Variants in PTPRS observed in about 807,000 individuals in gnomAD.
PTPRS encodes the protein protein tyrosine phosphatase receptor type S.
A neutral mutation model predicts 215.3 loss-of-function variants in PTPRS; 63 were observed. The observed-to-expected ratio is 0.29, with a 90% CI of 0.24 to 0.36. PTPRS has a LOEUF of 0.36. Among genes scored for constraint, PTPRS ranks in the 10% least tolerant of loss-of-function variants. The pLI is 1.00. For synonymous variants in PTPRS, 1,404 were observed against 1,191.4 expected (o/e 1.18, Z -3.68); for missense variants, 2,258 against 2,825.8 (o/e 0.80, Z 4.56).
intron 25 of PTPRS, among the ~76,000 whole-genome samples, chr19:5,218,159 A>G (rs912135123): frequency 6.6e-6 from 1 of 151,892 alleles, no homozygotes; most frequent in Non-Finnish European, 1.5e-5. Flanking sequence ...CATCGTCTTT[A>G]GGCTCCTGAA....
In PTPRS at chr19:5,231,346, C is replaced by T; in HGVS notation, c.2119G>A (p.Glu707Lys). The T allele has an allele frequency of 6.2e-7, 1 of 1,611,826 alleles. No individual in the cohort carries two copies. Residue 707 changes from glutamate to lysine, a missense_variant, in exon 14 of 38, where the codon GAG becomes AAG. Glu to Lys is a moderately conservative substitution (Grantham distance 56, BLOSUM62 1). Around this residue, in one of 6 missense-constraint regions of PTPRS, gnomAD observed 371 missense variants for 446.7 expected, o/e 0.83. Transcript: ENST00000262963. ...VAHTEVGPGP[E>K]SSPVVVRTDE... ...GTGCGGACGACCACGGGCGAGCTCT[C>T]GGGCCCTGGTCCCACCTCTGTGTGA...
chr19:5,228,347 G>GAAAAAAAAAAAAAAAAAAAAA (rs71170899), intron 16 of PTPRS, among the ~76,000 whole-genome samples: 3 of 105,866 alleles, frequency 2.8e-5, no homozygotes, highest in African/African-American at 1.3e-4. Flanking sequence ...TCCGTCTGGA[G>GAAAAAAAAAAAAAAAAAAAAA]AAAAAAAAAA....
rs1157608522 is a variant in PTPRS, at chr19:5,210,744, G to A, written c.5296C>T (p.Arg1766Cys). The A allele has an allele frequency of 1.2e-5, 20 of 1,614,032 alleles. No homozygotes were observed. In the East Asian group the frequency reaches 1.6e-4, roughly 13 times the overall value. ...GTCGAATTGTTCTCCCACAGCATGC[G>A]CCAGAAGTCTTCCGTGGTCTCCGCC... Reference protein sequence around the residue: ...PLAETTEDFWRMLWENNSTIV... With the variant: ...PLAETTEDFWCMLWENNSTIV... Residue 1766 changes from arginine to cysteine, a missense_variant, in exon 34 of 38, where the codon CGC (arginine) becomes TGC (cysteine). Physicochemically the swap from Arg to Cys is radical, Grantham distance 180 (BLOSUM62 -3). This residue lies in a region of PTPRS where 927 missense variants were observed against 1,125.9 expected (regional missense o/e 0.82). Transcript: ENST00000262963. The surrounding 1 kb of genome is among the most constrained non-coding windows in gnomAD (Gnocchi z 4.5).
rs759905523 is a variant in PTPRS at position 5,273,326 on chromosome 19, C to T, written c.379+116G>A. On this transcript the variant is annotated intron_variant, in intron 4 of 37. Transcript: ENST00000262963. Reference sequence around the variant, plus strand: ...CTGGTTGGATAAGGGAGATCAAGGTCCTCCCAAAAAACACAAAGCAGGAGG... The same window carrying T: ...CTGGTTGGATAAGGGAGATCAAGGTTCTCCCAAAAAACACAAAGCAGGAGG... The T allele has an allele frequency of 1.1e-5, 16 of 1,444,714 alleles. No individual in the cohort carries two copies. The South Asian group carries it at 1.9e-4, about 17-fold the overall frequency. The allele number at this position is 1,444,714 out of a possible 1,614,324, so 89.5% of individuals were successfully genotyped here. A position where few individuals can be genotyped will look rare whatever the true frequency, so the allele number is the denominator to read the frequency against.
rs754436545 is a variant in PTPRS, at chr19:5,231,537, G to A, written c.1928C>T (p.Pro643Leu). The A allele has an allele frequency of 1.2e-5, 19 of 1,610,692 alleles. No individual in the cohort carries two copies. The highest frequency in any genetic ancestry group is 1.0e-4 in the Admixed American group (6 of 59,736). Reference sequence around the variant, plus strand: ...CAGGGCCCCGTTGTGCGTTTCCGGCGGCGGCGGGCGCCAACTTACCAAAAT... The same window carrying A: ...CAGGGCCCCGTTGTGCGTTTCCGGCAGCGGCGGGCGCCAACTTACCAAAAT... ...TAILVSWRPP[P>L]PETHNGALVG... The change falls in exon 14 of 38, where the codon CCG (proline) becomes CTG (leucine). Residue 643 changes from proline to leucine, a missense_variant. By Grantham distance (98) the Pro-to-Leu change is moderately conservative (BLOSUM62 -3). This residue lies in a region of PTPRS where 371 missense variants were observed against 446.7 expected (regional missense o/e 0.83). Transcript: ENST00000262963.
At chr19:5,307,834 G>C (rs542942105) in intron 1 of PTPRS, among the ~76,000 whole-genome samples, 34 of 152,264 alleles carry the variant, frequency 2.2e-4, no homozygotes, top group African/African-American at 7.2e-4. Flanking sequence ...GGCCAAATCC[G>C]GCCCACCGTT....
At chr19:5,208,165 G>C in intron 36 of PTPRS, 72 bp downstream of exon 36, 2 of 1,562,100 alleles carry the variant, frequency 1.3e-6, no homozygotes, top group Admixed American at 1.8e-5. Context: ...GACAGCCTAA[G>C]CTTGGGGCTG....
At position 5,244,187 on chromosome 19, in the gene PTPRS, G is replaced by A. The variant is rs369090426; in HGVS notation, c.1284C>T (p.Ser428=). 2.5e-6 allele frequency: 4 copies of A among 1,599,744 alleles called. No homozygotes were observed. The highest frequency in any genetic ancestry group is 1.7e-5 in the Admixed American group (1 of 59,224). ...TCCGGGCTTGCACGTTCCGCGGCGC[G>A]CTGGCCGGGGCCTGCTCGCCTGTGC... ...VTRTGEQAPA[S]APRNVQARML... is the part of the protein sequence containing the mutation. Residue 428 remains serine, a synonymous_variant, in exon 11 of 38, where the codon AGC becomes AGT. Transcript: ENST00000262963. The surrounding 1 kb of genome is among the most constrained non-coding windows in gnomAD (Gnocchi z 7.2).
At chr19:5,231,117 C>T (rs2042974517) in intron 14 of PTPRS, among the ~76,000 whole-genome samples, 193 bp downstream of exon 14, 1 of 152,198 alleles carries the variant, frequency 6.6e-6, no homozygotes, top group Non-Finnish European at 1.5e-5. Flanking sequence ...AGAGCTAAGC[C>T]TGCCCATGTC....
intron 1 of PTPRS, among the ~76,000 whole-genome samples, chr19:5,289,105 C>T (rs918334862): frequency 6.6e-6 from 1 of 152,134 alleles, no homozygotes; most frequent in Non-Finnish European, 1.5e-5. Flanking sequence ...GACAAAACAT[C>T]CCGGGGTCCC....
chr19:5,266,008 C>G (rs1482379469), intron 4 of PTPRS, among the ~76,000 whole-genome samples: 1 of 151,892 alleles, frequency 6.6e-6, no homozygotes, highest in Non-Finnish European at 1.5e-5. Context: ...GCCTGTAATC[C>G]CAGCACTTTG....
At chr19:5,288,105 T>C (rs191604925) in intron 1 of PTPRS, among the ~76,000 whole-genome samples, 3 of 150,116 alleles carry the variant, frequency 2.0e-5, no homozygotes, top group Admixed American at 2.0e-4. Flanking sequence ...AAGATACACA[T>C]AAGGGGTCAT....
At chr19:5,282,540 C>T (rs1023542251) in intron 2 of PTPRS, among the ~76,000 whole-genome samples, 1 of 152,178 alleles carries the variant, frequency 6.6e-6, no homozygotes, top group African/African-American at 2.4e-5. Flanking sequence ...CAGAGGCTCA[C>T]ACCTATAATC....
chr19:5,323,262 G>A (rs1277670405), intron 1 of PTPRS, among the ~76,000 whole-genome samples: 2 of 152,198 alleles, frequency 1.3e-5, no homozygotes, highest in African/African-American at 4.8e-5. Flanking sequence ...AGGAGGCTGA[G>A]GCAGGAGAAT....
In PTPRS at chr19:5,298,432, TG is replaced by T. The variant is rs569482095; in HGVS notation, c.-94-12199del. 1.2e-4 allele frequency among the ~76,000 whole-genome samples: 19 copies of T among 152,298 alleles called. No homozygotes were observed. In the South Asian group the frequency reaches 3.9e-3, roughly 32 times the overall value. On this transcript the variant is annotated intron_variant, in intron 1 of 37. Transcript: ENST00000262963. ...CTGTCTGTCCCACCTCCTTCATATT[TG>T]GCACCAAAACCCCCAGACATTTCAT...
chr19:5,234,943 C>CTT (rs113097365), intron 13 of PTPRS, among the ~76,000 whole-genome samples: 5 of 137,814 alleles, frequency 3.6e-5, no homozygotes, highest in Admixed American at 7.3e-5. Context: ...TTCTTTCTTT[C>CTT]TTTTTTTTTT....
intron 29 of PTPRS, 36 bp downstream of exon 29, chr19:5,214,525 G>C: frequency 1.2e-6 from 2 of 1,612,282 alleles, no homozygotes; most frequent in Non-Finnish European, 1.7e-6. Context: ...CAGGCTGACT[G>C]GCAGGGGCTT....
At chr19:5,238,774 G>A (rs1339097549) in intron 13 of PTPRS, 145 bp downstream of exon 13, 23 of 1,168,846 alleles carry the variant, frequency 2.0e-5, no homozygotes, top group Non-Finnish European at 1.0e-5. Context: ...AGATGGATCC[G>A]AGGTCGGGGA....
intron 2 of PTPRS, among the ~76,000 whole-genome samples, chr19:5,281,656 C>T (rs568598398): frequency 7.9e-5 from 12 of 152,270 alleles, no homozygotes; most frequent in Admixed American, 2.0e-4. Flanking sequence ...AATGGTGACC[C>T]GGGGCCATGC....
Sources: gnomAD v4.1 joint callset for allele counts (sites outside exome capture counted in the v4.1 genomes callset) on GRCh38, gnomAD v4.1.1 for gene constraint, gnomAD v4.1.1 regional missense constraint, Gnocchi (gnomAD v3.1) non-coding constraint, MANE v1.5 for transcripts, NCBI Gene and HGNC (gene_info 2026-07-23, HGNC 2026-07-21) for gene names.